Variants in VTI1A observed in about 807,000 individuals in gnomAD.
VTI1A encodes vesicle transport through interaction with t-SNAREs 1A.
VTI1A carries 22 observed loss-of-function variants against 34.9 expected under a neutral mutation model. The observed-to-expected ratio is 0.63, with a 90% CI of 0.45 to 0.90. The LOEUF (loss-of-function observed/expected upper bound fraction) is 0.90. Among genes scored for constraint, VTI1A ranks in the 40% least tolerant of loss-of-function variants. VTI1A has a pLI of 0.00. For synonymous variants in VTI1A, 87 were observed against 97.3 expected (o/e 0.89, Z 0.62); for missense variants, 268 against 275.6 (o/e 0.97, Z 0.20).
chr10:112,474,982 G>A (rs1488872336), intron 3 of VTI1A, among the ~76,000 whole-genome samples: 3 of 152,222 alleles, frequency 2.0e-5, no homozygotes, highest in Non-Finnish European at 1.5e-5. Flanking sequence ...CCTGTTGTCA[G>A]TGCCTTCTGG....
chr10:112,448,146 G>A (rs1847024931), intron 1 of VTI1A, among the ~76,000 whole-genome samples: 1 of 152,154 alleles, frequency 6.6e-6, no homozygotes, highest in African/African-American at 2.4e-5. Flanking sequence ...GGGGTTGTTA[G>A]GTAGATTAAA....
At chr10:112,827,287 A>G in the VTI1A span, 1 of 151,628 alleles carries the variant, frequency 6.6e-6, no homozygotes, top group Non-Finnish European at 1.5e-5. Flanking sequence ...CATGGTTCCT[A>G]ATGATGGTGC....
intron 7 of VTI1A, among the ~76,000 whole-genome samples, chr10:112,676,661 C>A (rs561973254): frequency 6.6e-6 from 1 of 152,312 alleles, no homozygotes; most frequent in South Asian, 2.1e-4. Flanking sequence ...GCTAGCTTCA[C>A]TCTTCACTAA....
At chr10:112,777,931 C>T (rs868339374) in intron 7 of VTI1A, among the ~76,000 whole-genome samples, 2 of 152,018 alleles carry the variant, frequency 1.3e-5, no homozygotes, top group African/African-American at 2.4e-5. Flanking sequence ...GGAGAAACCC[C>T]GTCTCTACTA....
chr10:112,447,485 C>A lies in VTI1A; in HGVS notation c.94+18C>A. On this transcript the variant is annotated intron_variant, in intron 1 of 7. Transcript: ENST00000393077. ...CCCGCCTGGTGAGAGCCTTGCCCGG[C>A]TGGACGAGGGTGCTGGGGAGAGCTG... is the stretch of plus-strand genomic sequence containing the variant. The A allele has an allele frequency of 6.2e-7, 1 of 1,611,908 alleles. No individual in the cohort carries two copies. The highest frequency in any genetic ancestry group is 8.5e-7 in the Non-Finnish European group (1 of 1,179,312).
At chr10:112,839,260 C>A in the VTI1A span, among the ~76,000 whole-genome samples, 5 of 152,134 alleles carry the variant, frequency 3.3e-5, no homozygotes, top group Non-Finnish European at 7.3e-5. Flanking sequence ...GCTGACAACC[C>A]GCAAGCAATC....
intron 5 of VTI1A, among the ~76,000 whole-genome samples, chr10:112,616,826 A>G (rs1005101452): frequency 4.6e-5 from 7 of 152,198 alleles, no homozygotes; most frequent in Non-Finnish European, 1.0e-4. Flanking sequence ...CAATTAGTGA[A>G]TTGGAAAATA....
intron 3 of VTI1A, among the ~76,000 whole-genome samples, chr10:112,489,747 C>T (rs866711440): frequency 6.6e-6 from 1 of 152,192 alleles, no homozygotes; most frequent in South Asian, 2.1e-4. Flanking sequence ...ATATGGATAA[C>T]CAAGAGGTTG....
chr10:112,844,552 C>G, the VTI1A span, among the ~76,000 whole-genome samples: 2 of 152,224 alleles, frequency 1.3e-5, no homozygotes, highest in Admixed American at 6.5e-5. Context: ...GTGCCCACCA[C>G]CACGCCCGGC....
intron 7 of VTI1A, among the ~76,000 whole-genome samples, chr10:112,703,971 G>A (rs1022051112): frequency 3.9e-5 from 6 of 152,200 alleles, no homozygotes; most frequent in Non-Finnish European, 8.8e-5. Context: ...GTTTATTAAT[G>A]TATTTTTTGA....
chr10:112,830,822 CAT>C, the VTI1A span, among the ~76,000 whole-genome samples: 2,894 of 54,696 alleles, frequency 0.053, 281 homozygotes, highest in East Asian at 0.24. Context: ...CTAAAACCCT[CAT>C]ATATATATAT....
intron 7 of VTI1A, among the ~76,000 whole-genome samples, chr10:112,763,560 C>T (rs1851551751): frequency 2.0e-5 from 3 of 152,072 alleles, no homozygotes; most frequent in South Asian, 2.1e-4. Context: ...CTTTTCTGCC[C>T]GTTTATACTA....
chr10:112,458,760 G>A lies in VTI1A; in HGVS notation c.95-1764G>A, dbSNP rs192413093. On this transcript the variant is annotated intron_variant, in intron 1 of 7. Transcript: ENST00000393077. ...CGGCTCACTGCAACCTCTACCTCCC[G>A]GGTTCAAGCAATTCTCCTGCCTCAG... Among the ~76,000 whole-genome samples the A allele has an allele frequency of 8.6e-5, 13 of 151,572 alleles. No individual in the cohort carries two copies. In the East Asian group the frequency reaches 2.3e-3, roughly 27 times the overall value.
At position 112,816,504 on chromosome 10, in the gene VTI1A, A is replaced by G. The variant is rs1308630098; in HGVS notation, c.*1121A>G. The G allele has an allele frequency of 1.8e-5, 4 of 222,690 alleles. No individual in the cohort carries two copies. Among genetic ancestry groups the G allele is most frequent in the Non-Finnish European group, 2.7e-5 (3 of 111,502 alleles). The allele number at this position is 222,690 out of a possible 1,614,324, so 13.8% of individuals were successfully genotyped here. ...TTAGCAAGCCTTTCTTGAATTCACT[A>G]TGTATTCAAACTTCTAATATGCTTT... On this transcript the variant is annotated 3_prime_UTR_variant, in exon 8 of 8. Coordinates refer to ENST00000393077, the MANE Select transcript of VTI1A (RefSeq NM_145206.4).
intron 3 of VTI1A, among the ~76,000 whole-genome samples, chr10:112,479,525 A>G (rs1274931503): frequency 3.9e-5 from 6 of 152,086 alleles, no homozygotes; most frequent in Admixed American, 6.5e-5. Context: ...AAAATCAACC[A>G]CTTGAGAAGA....
chr10:112,493,783 T>G (rs1308002482), intron 3 of VTI1A, among the ~76,000 whole-genome samples: 5 of 152,212 alleles, frequency 3.3e-5, no homozygotes, highest in Admixed American at 3.3e-4. Flanking sequence ...TTTTTAGATG[T>G]AAAACCAGCC....
chr10:112,799,496 G>A (rs574341558), intron 7 of VTI1A, among the ~76,000 whole-genome samples: 33 of 152,268 alleles, frequency 2.2e-4, no homozygotes, highest in African/African-American at 5.3e-4. Flanking sequence ...TTAGAAAAAG[G>A]GCAGATGCCC....
intron 7 of VTI1A, among the ~76,000 whole-genome samples, chr10:112,702,408 G>A (rs926792672): frequency 6.6e-6 from 1 of 152,070 alleles, no homozygotes; most frequent in African/African-American, 2.4e-5. Context: ...ATAGTGCCCT[G>A]ATTTTTTTGC....
intron 5 of VTI1A, among the ~76,000 whole-genome samples, chr10:112,662,343 C>T (rs911402495): frequency 2.6e-5 from 4 of 152,058 alleles, no homozygotes; most frequent in Non-Finnish European, 5.9e-5. Flanking sequence ...ATGCTATGTT[C>T]ATTTTTTTAA....
Sources: gnomAD v4.1 joint callset for allele counts (sites outside exome capture counted in the v4.1 genomes callset) on GRCh38, gnomAD v4.1.1 for gene constraint, MANE v1.5 for transcripts, NCBI Gene and HGNC (gene_info 2026-07-23, HGNC 2026-07-21) for gene names.